Variants in ALPG observed in about 807,000 individuals in gnomAD.
ALPG encodes the protein alkaline phosphatase, germ cell.
Under a neutral mutation model 48.6 loss-of-function variants are expected in ALPG, and 32 were observed. The observed-to-expected ratio is 0.66, with a 90% CI of 0.50 to 0.88. ALPG has a LOEUF of 0.88. Ranked by LOEUF, ALPG falls within the 40% of genes least tolerant of loss-of-function variation. The pLI is 0.00. For missense variants in ALPG, 533 were observed against 718.1 expected (o/e 0.74, Z 2.95); for synonymous variants, 244 against 308.9 (o/e 0.79, Z 2.20).
chr2:232,409,472 T>C lies in ALPG; in HGVS notation c.1300+24T>C, dbSNP rs1451270403. On this transcript the variant is annotated intron_variant, in intron 10 of 10. Coordinates refer to ENST00000295453, the MANE Select transcript of ALPG (RefSeq NM_031313.3). ...CGGTGAGTGCCGTGGGGTGGCCCCC[T>C]GAGGGGGACCAGGGTGCCAAGGATG... is the stretch of plus-strand genomic sequence containing the variant. 3 of 1,590,482 alleles carry C rather than the reference T, an allele frequency of 1.9e-6. No individual in the cohort carries two copies. The South Asian group carries it at 3.4e-5, about 18-fold the overall frequency.
intron 3 of ALPG, 67 bp from the exon 4 acceptor site, chr2:232,407,527 C>T: frequency 6.2e-7 from 1 of 1,603,830 alleles, no homozygotes; most frequent in South Asian, 1.1e-5. Flanking sequence ...GTTGGAATCC[C>T]AGAGGACAGA....
chr2:232,407,252 G>A, intron 2 of ALPG, 34 bp from the exon 3 acceptor site: 1 of 1,613,918 alleles, frequency 6.2e-7, no homozygotes, highest in South Asian at 1.1e-5. Flanking sequence ...GGACAGCCCT[G>A]GGGAGCAAGC....
In ALPG at chr2:232,407,976, C is replaced by T. The variant is rs993241826; in HGVS notation, c.607C>T (p.Gln203Ter). The T allele has an allele frequency of 3.7e-6, 6 of 1,612,850 alleles. No homozygotes were observed. The highest frequency in any genetic ancestry group is 5.1e-6 in the Non-Finnish European group (6 of 1,179,832). The stretch of plus-strand genomic sequence containing the variant: ...TGCCTCGGCCCGCCAGGAGGGGTGC[C>T]AGGACATCGCCACGCAGCTCATCTC... ...VPASARQEGCQDIATQLISNM... is the reference protein window; with the variant it reads ...VPASARQEGC Residue 203 changes from glutamine to a stop codon, truncating the protein, a stop_gained, in exon 5 of 11, where the codon CAG becomes TAG. Coordinates refer to ENST00000295453, the MANE Select transcript of ALPG (RefSeq NM_031313.3). LOFTEE classifies it high-confidence loss of function.
intron 3 of ALPG, 76 bp downstream of exon 3, chr2:232,407,477 G>T: frequency 1.9e-6 from 3 of 1,590,706 alleles, no homozygotes; most frequent in Non-Finnish European, 2.6e-6. Context: ...AGGAGGGAGG[G>T]ACCCTAAACA....
Position 232,409,842 on chromosome 2 carries a change from G to C in ALPG, c.1569G>C (p.Leu523Phe). Residue 523 changes from leucine to phenylalanine, a missense_variant, in exon 11 of 11, where the codon TTG becomes TTC. Leu to Phe is a conservative substitution (Grantham distance 22). Coordinates refer to ENST00000295453, the MANE Select transcript of ALPG (RefSeq NM_031313.3). ...TGCTTCCTCTGCTGGCAGGGACCTTGCTGCTGCTGGGGACGGCCACTGCTC... is the reference window on the plus strand; with the variant it reads ...TGCTTCCTCTGCTGGCAGGGACCTTCCTGCTGCTGGGGACGGCCACTGCTC... ...PALLPLLAGT[L>F]LLLGTATAP is the part of the protein sequence containing the mutation. 1 of 1,584,302 alleles carries C rather than the reference G, an allele frequency of 6.3e-7. No individual in the cohort carries two copies. The highest frequency in any genetic ancestry group is 8.6e-7 in the Non-Finnish European group (1 of 1,168,718).
In ALPG at chr2:232,409,384, CG is replaced by C. The variant is rs1697146959; in HGVS notation, c.1238del (p.Gly413GlufsTer65). The C allele has an allele frequency of 1.9e-6, 3 of 1,587,010 alleles. No homozygotes were observed. The highest frequency in any genetic ancestry group is 2.6e-6 in the Non-Finnish European group (3 of 1,163,990). On this transcript the variant is annotated frameshift_variant, in exon 10 of 11. Coordinates refer to ENST00000295453, the MANE Select transcript of ALPG (RefSeq NM_031313.3). LOFTEE classifies it high-confidence loss of function. ...GGAAGGCCTACACGGTCCTCCTATA[CG>C]GAAACGGTCCAGGCTATGTGCTCAA... ...DRKAYTVLLY[G>X]NGPGYVLKDG...
intron 6 of ALPG, 27 bp downstream of exon 6, chr2:232,408,428 G>C: frequency 2.0e-6 from 3 of 1,471,118 alleles, no homozygotes; most frequent in Non-Finnish European, 2.8e-6. Context: ...GGTGTGCTGG[G>C]CACAGCAGGG....
In ALPG at chr2:232,406,855, C is replaced by A; in HGVS notation, c.-40C>A. On this transcript the variant is annotated 5_prime_UTR_variant, in exon 1 of 11. It adds an upstream start codon to the 5' untranslated region. Transcript: ENST00000295453. Reference sequence around the variant, plus strand: ...CTGGAGTGCAGCTCATACTCCATACCTGGGATTTCCGCCTCGCCGCTCTCC... The same window carrying A: ...CTGGAGTGCAGCTCATACTCCATACATGGGATTTCCGCCTCGCCGCTCTCC... 1 of 1,592,320 alleles carries A rather than the reference C, an allele frequency of 6.3e-7. No homozygotes were observed. Among genetic ancestry groups the A allele is most frequent in the South Asian group, 1.2e-5 (1 of 86,100 alleles).
At position 232,406,955 on chromosome 2, in the gene ALPG, A is replaced by G; in HGVS notation, c.61A>G (p.Ile21Val). 1 of 1,612,306 alleles carries G rather than the reference A, an allele frequency of 6.2e-7. No homozygotes were observed. The part of the protein sequence containing the change: ...GLRLQLSLGI[I>V]PVEEENPDFW... ...GAGGCTACAGCTCTCCCTGGGCATCATCCCAGGTAATGAGGCTCCCCCAGC... is the reference window on the plus strand; with the variant it reads ...GAGGCTACAGCTCTCCCTGGGCATCGTCCCAGGTAATGAGGCTCCCCCAGC... The change falls in exon 1 of 11, where the codon ATC becomes GTC. Residue 21 changes from isoleucine (I) to valine (V), a missense_variant. Ile to Val is a conservative substitution (Grantham distance 29). This residue lies in a region of ALPG where 315 missense variants were observed against 305.8 expected (regional missense o/e 1.03). Coordinates refer to ENST00000295453, the MANE Select transcript of ALPG (RefSeq NM_031313.3).
Position 232,407,939 on chromosome 2 carries a change from T to C in ALPG, c.570T>C (p.Asp190=), listed in dbSNP as rs1048986. Residue 190 remains aspartate (D), a synonymous_variant, in exon 5 of 11, where the codon GAT becomes GAC. Coordinates refer to ENST00000295453, the MANE Select transcript of ALPG (RefSeq NM_031313.3). ...AHTVNRNWYS[D]ADVPASARQE... is the part of the protein sequence containing the mutation. Reference sequence around the variant, plus strand: ...CGGTGAACCGCAACTGGTACTCGGATGCCGACGTGCCTGCCTCGGCCCGCC... The same window carrying C: ...CGGTGAACCGCAACTGGTACTCGGACGCCGACGTGCCTGCCTCGGCCCGCC... 2,307 of 1,612,224 alleles carry C rather than the reference T, an allele frequency of 1.4e-3. 23 individuals carry two copies. Among genetic ancestry groups the C allele is most frequent in the South Asian group, 5.1e-3 (461 of 90,874 alleles).
In ALPG at chr2:232,410,239, T is replaced by G. The variant is rs1221128097; in HGVS notation, c.*367T>G. The G allele has an allele frequency of 3.2e-6, 1 of 309,648 alleles. No individual in the cohort carries two copies. The highest frequency in any genetic ancestry group is 5.9e-6 in the Non-Finnish European group (1 of 168,280). 19.2% of individuals were successfully genotyped at this position (309,648 alleles called of 1,614,324 possible). The stretch of plus-strand genomic sequence containing the variant: ...CCCATACCTAGGACCCCCTGCGCCT[T>G]TTTTAGCTTCAGTCATGGCAGCACC... On this transcript the variant is annotated 3_prime_UTR_variant, in exon 11 of 11. Coordinates refer to ENST00000295453, the MANE Select transcript of ALPG (RefSeq NM_031313.3).
chr2:232,406,912 G>C lies in ALPG; in HGVS notation c.18G>C (p.Val6=). The C allele has an allele frequency of 6.2e-7, 1 of 1,612,726 alleles. No homozygotes were observed. The highest frequency in any genetic ancestry group is 8.5e-7 in the Non-Finnish European group (1 of 1,179,824). ...TTCCAGACATGCAGGGGCCCTGGGTGCTGCTCCTGCTGGGCCTGAGGCTAC... is the reference window on the plus strand; with the variant it reads ...TTCCAGACATGCAGGGGCCCTGGGTCCTGCTCCTGCTGGGCCTGAGGCTAC... MQGPW[V]LLLLGLRLQL... The change falls in exon 1 of 11, where the codon GTG becomes GTC. Residue 6 remains valine (V), a synonymous_variant. Coordinates refer to ENST00000295453, the MANE Select transcript of ALPG (RefSeq NM_031313.3).
At position 232,407,340 on chromosome 2, in the gene ALPG, A is replaced by G. The variant is rs768592813; in HGVS notation, c.239A>G (p.Asp80Gly). Residue 80 changes from aspartate to glycine, a missense_variant, in exon 3 of 11, where the codon GAC becomes GGC. By Grantham distance (94) the Asp-to-Gly change is moderately conservative. Coordinates refer to ENST00000295453, the MANE Select transcript of ALPG (RefSeq NM_031313.3). ...AGGATCCTAAAAGGGCAGAAGAAGG[A>G]CAAACTGGGGCCTGAGACCTTCCTG... ...AARILKGQKK[D>G]KLGPETFLAM... is the part of the protein sequence containing the mutation. 1.9e-6 allele frequency: 3 copies of G among 1,613,870 alleles called. No individual in the cohort carries two copies. The highest frequency in any genetic ancestry group is 2.5e-6 in the Non-Finnish European group (3 of 1,179,986).
Position 232,407,428 on chromosome 2 carries a change from T to A in ALPG, c.300+27T>A, listed in dbSNP as rs373835589. 23 of 1,610,544 alleles carry A rather than the reference T, an allele frequency of 1.4e-5. No homozygotes were observed. The African/African-American group carries it at 2.3e-4, about 16-fold the overall frequency. On this transcript the variant is annotated intron_variant, in intron 3 of 10. Coordinates refer to ENST00000295453, the MANE Select transcript of ALPG (RefSeq NM_031313.3). ...TAAGTGCTGGGCTACCTTAGAGTCC[T>A]CCAAGCAGAGAAGGGGAATCCTGGC...
At chr2:232,409,501 G>T in intron 10 of ALPG, 53 bp downstream of exon 10, 3 of 1,607,906 alleles carry the variant, frequency 1.9e-6, no homozygotes, top group Non-Finnish European at 2.5e-6. Flanking sequence ...AAGGATGGGG[G>T]GCTGGCGGGA....
chr2:232,408,010 A>G lies in ALPG; in HGVS notation c.641A>G (p.Asp214Gly), dbSNP rs780524913. ...GCCACGCAGCTCATCTCCAACATGG[A>G]CATTGATGTGCGACCCCCGGGCCAA... Reference protein sequence around the residue: ...DIATQLISNMDIDVILGGGRK... With the variant: ...DIATQLISNMGIDVILGGGRK... The change falls in exon 5 of 11, where the codon GAC becomes GGC. Residue 214 changes from aspartate (D) to glycine (G), a missense_variant. Physicochemically the swap from Asp to Gly is moderately conservative, Grantham distance 94. This residue lies in a region of ALPG where 315 missense variants were observed against 305.8 expected (regional missense o/e 1.03). Coordinates refer to ENST00000295453, the MANE Select transcript of ALPG (RefSeq NM_031313.3). 6.2e-7 allele frequency: 1 copy of G among 1,610,572 alleles called. No individual in the cohort carries two copies. The highest frequency in any genetic ancestry group is 1.3e-5 in the African/African-American group (1 of 74,866).
At position 232,407,040 on chromosome 2, in the gene ALPG, G is replaced by A; in HGVS notation, c.68-17G>A. ...CCCAGCCCAGGCTGACCTGATCTTT[G>A]CTCTCCCCCTGGCCAGTTGAGGAGG... On this transcript the variant is annotated splice_polypyrimidine_tract_variant and intron_variant, in intron 1 of 10. Coordinates refer to ENST00000295453, the MANE Select transcript of ALPG (RefSeq NM_031313.3). 6.2e-7 allele frequency: 1 copy of A among 1,613,648 alleles called. No homozygotes were observed. The highest frequency in any genetic ancestry group is 8.5e-7 in the Non-Finnish European group (1 of 1,179,944).
chr2:232,407,401 G>A lies in ALPG; in HGVS notation c.300G>A (p.Lys100=), dbSNP rs1176662979. The A allele has an allele frequency of 1.9e-6, 3 of 1,613,658 alleles. No individual in the cohort carries two copies. Among genetic ancestry groups the A allele is most frequent in the East Asian group, 2.2e-5 (1 of 44,882 alleles). Residue 100 remains lysine, a splice_region_variant and synonymous_variant, in exon 3 of 11, where the codon AAG becomes AAA. Transcript: ENST00000295453. ...GCTTCCCGTACGTGGCTCTGTCCAA[G>A]GTAAGTGCTGGGCTACCTTAGAGTC... ...MDRFPYVALS[K]TYSVDKHVPD...
chr2:232,407,850 T>A lies in ALPG; in HGVS notation c.481T>A (p.Ser161Thr), dbSNP rs200884165. The A allele has an allele frequency of 7.5e-4, 1,208 of 1,613,462 alleles. 16 individuals are homozygous for A. Among genetic ancestry groups the A allele is most frequent in the Non-Finnish European group, 7.2e-5 (85 of 1,180,004 alleles). The change falls in exon 5 of 11, where the codon TCA becomes ACA. Residue 161 changes from serine (S) to threonine (T), a missense_variant. This residue lies in a region of ALPG where 315 missense variants were observed against 305.8 expected (regional missense o/e 1.03). Coordinates refer to ENST00000295453, the MANE Select transcript of ALPG (RefSeq NM_031313.3). ...CTGACCTCTATCACCCTCAGGAAAG[T>A]CAGTGGGAGTGGTAACCACCACACG... Reference protein sequence around the residue: ...VMNRAKKAGKSVGVVTTTRVQ... With the variant: ...VMNRAKKAGKTVGVVTTTRVQ...
Sources: gnomAD v4.1 joint callset for allele counts on GRCh38, gnomAD v4.1.1 for gene constraint, gnomAD v4.1.1 regional missense constraint, MANE v1.5 for transcripts, NCBI Gene and HGNC (gene_info 2026-07-23, HGNC 2026-07-21) for gene names.